The following NCALD variants were observed in gnomAD, a reference collection of about 807,000 sequenced individuals.
The protein encoded by NCALD is neurocalcin delta.
Under a neutral mutation model 18.6 loss-of-function variants are expected in NCALD, and 10 were observed. The observed-to-expected ratio is 0.54, with a 90% CI of 0.33 to 0.91. NCALD has a LOEUF of 0.91. Ranked by LOEUF, NCALD falls within the 40% of genes least tolerant of loss-of-function variation. The probability of loss-of-function intolerance (pLI) is 0.03; values close to 1 mark genes in which losing one functional copy is unlikely to be tolerated. For missense variants in NCALD, 184 were observed against 247.6 expected, an observed-to-expected ratio of 0.74 and a Z score of 1.72; for synonymous variants, 88 against 87.4, an observed-to-expected ratio of 1.01 and a Z score of -0.04.
intron 1 of NCALD, among the ~76,000 whole-genome samples, chr8:101,774,276 T>C (rs1201876201): frequency 6.6e-6 from 1 of 152,234 alleles, no homozygotes; most frequent in Non-Finnish European, 1.5e-5. Flanking sequence ...TGCTGTCTTG[T>C]TGGCCAACTG....
At chr8:102,070,985 C>T (rs1208993480) in intron 1 of NCALD, among the ~76,000 whole-genome samples, 1 of 152,084 alleles carries the variant, frequency 6.6e-6, no homozygotes, top group African/African-American at 2.4e-5. Flanking sequence ...TTCACTCCAG[C>T]AATATTGAAA....
chr8:102,062,321 T>C (rs1430720766), intron 1 of NCALD, among the ~76,000 whole-genome samples: 1 of 152,080 alleles, frequency 6.6e-6, no homozygotes, highest in African/African-American at 2.4e-5. Context: ...ACAACAAAAG[T>C]CAGAGTAGAG....
At position 101,999,138 on chromosome 8, in the gene NCALD, G is replaced by C. The variant is rs75525375; in HGVS notation, c.-157+21099C>G. On this transcript the variant is annotated intron_variant, in intron 2 of 6. Transcript: ENST00000311028. The stretch of plus-strand genomic sequence containing the variant: ...TCTAAAGACTAGTGATTCCACATAA[G>C]TCCCATGGATGCTTGAATAATATGA... 7.4e-3 allele frequency among the ~76,000 whole-genome samples: 1,051 copies of C among 142,780 alleles called. 13 individuals are homozygous for C. Among genetic ancestry groups the C allele is most frequent in the African/African-American group, 0.022 (865 of 38,794 alleles). 93.7% of individuals were successfully genotyped at this position (142,780 alleles called of 152,430 possible).
chr8:101,726,698 T>C (rs1402244072), intron 1 of NCALD, among the ~76,000 whole-genome samples: 1 of 152,132 alleles, frequency 6.6e-6, no homozygotes, highest in Non-Finnish European at 1.5e-5. Flanking sequence ...GGCAGTTGAA[T>C]ATATAAGTCT....
chr8:101,784,165 G>A (rs1005575035), intron 1 of NCALD, among the ~76,000 whole-genome samples: 2 of 152,050 alleles, frequency 1.3e-5, no homozygotes, highest in Non-Finnish European at 1.5e-5. Context: ...CCTGATGACC[G>A]GGCCTGGAGT....
At chr8:102,087,835 A>G (rs1319198094) in intron 1 of NCALD, among the ~76,000 whole-genome samples, 1 of 152,036 alleles carries the variant, frequency 6.6e-6, no homozygotes, top group Non-Finnish European at 1.5e-5. Context: ...CTTTTGAGAA[A>G]TGGCTGGGTC....
intron 4 of NCALD, among the ~76,000 whole-genome samples, chr8:101,832,086 G>A (rs910841672): frequency 6.6e-6 from 1 of 152,208 alleles, no homozygotes; most frequent in Non-Finnish European, 1.5e-5. Context: ...AAGACAGTAA[G>A]GAATGAGCAT....
At chr8:102,000,157 A>T (rs1018856877) in intron 2 of NCALD, among the ~76,000 whole-genome samples, 3 of 152,174 alleles carry the variant, frequency 2.0e-5, no homozygotes, top group African/African-American at 7.2e-5. Flanking sequence ...GCACCTGGAA[A>T]ATCGGGTCAC....
intron 2 of NCALD, among the ~76,000 whole-genome samples, chr8:102,016,367 G>A (rs995455026): frequency 6.6e-6 from 1 of 152,192 alleles, no homozygotes; most frequent in East Asian, 1.9e-4. Context: ...GCTAGCCCAG[G>A]TGAACTGAGA....
chr8:101,846,747 C>T (rs537517595), intron 4 of NCALD, among the ~76,000 whole-genome samples: 1 of 152,288 alleles, frequency 6.6e-6, no homozygotes, highest in East Asian at 1.9e-4. Flanking sequence ...AAATACAGAT[C>T]ACTGACTCCA....
intron 1 of NCALD, among the ~76,000 whole-genome samples, chr8:102,057,893 A>G (rs1226939937): frequency 6.6e-6 from 1 of 152,254 alleles, no homozygotes; most frequent in African/African-American, 2.4e-5. Context: ...AGCTTTTAAT[A>G]CAATAAAATA....
intron 2 of NCALD, among the ~76,000 whole-genome samples, chr8:101,951,587 G>A (rs1819425578): frequency 6.6e-6 from 1 of 152,196 alleles, no homozygotes; most frequent in Non-Finnish European, 1.5e-5. Context: ...AGTCATGACT[G>A]GAGCCTTCTG....
In NCALD at chr8:102,060,130, G is replaced by A. The variant is rs1337068869; in HGVS notation, c.-209-39841C>T. On this transcript the variant is annotated intron_variant, in intron 1 of 6. Transcript: ENST00000311028. ...CGAGTAGCTGGAACTACAGGCATGT[G>A]CCACCATGCCTGGCTAATTTTTTTG... Among the ~76,000 whole-genome samples, 4 of 152,076 alleles carry A rather than the reference G, an allele frequency of 2.6e-5. No homozygotes were observed. In the South Asian group the frequency reaches 6.2e-4, roughly 24 times the overall value.
At chr8:101,875,717 A>G (rs1188327136) in intron 4 of NCALD, among the ~76,000 whole-genome samples, 1 of 152,238 alleles carries the variant, frequency 6.6e-6, no homozygotes, top group East Asian at 1.9e-4. Context: ...AGGACGTGGA[A>G]GGCACCAAAA....
At chr8:101,868,132 T>G (rs1815850461) in intron 4 of NCALD, among the ~76,000 whole-genome samples, 1 of 152,186 alleles carries the variant, frequency 6.6e-6, no homozygotes, top group South Asian at 2.1e-4. Flanking sequence ...AGGCATTCAA[T>G]CATGCTGCTT....
At chr8:101,899,679 A>G (rs1563875955) in intron 3 of NCALD, among the ~76,000 whole-genome samples, 1 of 151,902 alleles carries the variant, frequency 6.6e-6, no homozygotes, top group Non-Finnish European at 1.5e-5. Flanking sequence ...AGTGAATTAC[A>G]TTGAGGATTT....
At chr8:101,750,472 C>T (rs766413986) in intron 1 of NCALD, 8 of 152,230 alleles carry the variant, frequency 5.3e-5, no homozygotes, top group Non-Finnish European at 8.8e-5. Flanking sequence ...CCCAGAGAAA[C>T]CCCCAGGAGA....
chr8:102,117,461 A>G (rs1261023212), intron 1 of NCALD, among the ~76,000 whole-genome samples: 1 of 152,228 alleles, frequency 6.6e-6, no homozygotes, highest in East Asian at 1.9e-4. Context: ...CCGCCAGCTC[A>G]TGAGAAATCC....
At chr8:101,942,565 C>A (rs958522709) in intron 2 of NCALD, among the ~76,000 whole-genome samples, 13 of 152,176 alleles carry the variant, frequency 8.5e-5, no homozygotes, top group Middle Eastern at 3.2e-3. Context: ...ATAAGAACTA[C>A]CCCAATTACA....
Sources: gnomAD v4.1 joint callset for allele counts (sites outside exome capture counted in the v4.1 genomes callset) on GRCh38, gnomAD v4.1.1 for gene constraint, MANE v1.5 for transcripts, NCBI Gene and HGNC (gene_info 2026-07-23, HGNC 2026-07-21) for gene names.